Variants in TRIM37 observed in about 807,000 individuals in gnomAD.
TRIM37 encodes the protein tripartite motif containing 37.
In TRIM37, 80 loss-of-function variants were observed where a neutral mutation model predicts 129.8. The observed-to-expected ratio is 0.62, with a 90% CI of 0.51 to 0.74. The LOEUF (loss-of-function observed/expected upper bound fraction) is 0.74. TRIM37 is among the 30% of genes least tolerant of loss of function. TRIM37 has a pLI of 0.00. For synonymous variants in TRIM37, 389 were observed against 387.1 expected (o/e 1.00, Z -0.06); for missense variants, 1,054 against 1,176.5 (o/e 0.90, Z 1.52).
rs539196828 is a variant in TRIM37 at position 59,012,250 on chromosome 17, A to ACCACCACCAC, written c.2695+77_2695+78insGTGGTGGTGG. The ACCACCACCAC allele has an allele frequency of 3.7e-4, 312 of 833,760 alleles. No homozygotes were observed. In the African/African-American group the frequency reaches 4.3e-3, roughly 11 times the overall value. The allele number at this position is 833,760 out of a possible 1,614,324, so 51.6% of individuals were successfully genotyped here. ...CAGCACCACCACCACCACCACCACC[A>ACCACCACCAC]CCACCACCCACCACCCACCACCAAA... is the stretch of plus-strand genomic sequence containing the variant. On this transcript the variant is annotated intron_variant, in intron 22 of 23. Transcript: ENST00000262294.
intron 8 of TRIM37, among the ~76,000 whole-genome samples, chr17:59,074,461 T>G (rs1474428046): frequency 6.6e-6 from 1 of 152,180 alleles, no homozygotes; most frequent in African/African-American, 2.4e-5. Context: ...AATAAGAGTA[T>G]TTAGTAAATA....
intron 17 of TRIM37, among the ~76,000 whole-genome samples, chr17:59,037,862 A>G (rs1370470246): frequency 6.6e-6 from 1 of 152,072 alleles, no homozygotes; most frequent in African/African-American, 2.4e-5. Flanking sequence ...CTGTCTTTTT[A>G]GACTCTTCTG....
chr17:59,018,908 GA>G (rs2036257130), intron 19 of TRIM37, among the ~76,000 whole-genome samples: 1 of 152,068 alleles, frequency 6.6e-6, no homozygotes, highest in Non-Finnish European at 1.5e-5. Context: ...ACAGAATTGA[GA>G]GTCTAGAAAC....
intron 2 of TRIM37, among the ~76,000 whole-genome samples, chr17:59,094,245 T>C (rs1335091730): frequency 6.6e-6 from 1 of 152,128 alleles, no homozygotes; most frequent in Non-Finnish European, 1.5e-5. Flanking sequence ...TGTTAATACT[T>C]TGAGAAAAGC....
chr17:58,998,573 T>C lies in TRIM37; in HGVS notation c.*804A>G. The C allele has an allele frequency of 1.0e-6, 1 of 985,314 alleles. No homozygotes were observed. The allele number at this position is 985,314 out of a possible 1,614,324, so 61.0% of individuals were successfully genotyped here. A position where few individuals can be genotyped will look rare whatever the true frequency, so the allele number is the denominator to read the frequency against. ...ATCTTTAAATGTGTTGACACTGAAA[T>C]CAATGTACAACTAATGAAAATAAAG... On this transcript the variant is annotated 3_prime_UTR_variant, in exon 24 of 24. Transcript: ENST00000262294.
At chr17:59,106,020 G>A (rs1055110616) in intron 1 of TRIM37, among the ~76,000 whole-genome samples, 1 of 152,212 alleles carries the variant, frequency 6.6e-6, no homozygotes, top group African/African-American at 2.4e-5. Flanking sequence ...AGGAAGGGCA[G>A]AAGCCTGCAA....
the TRIM37 span, among the ~76,000 whole-genome samples, chr17:58,969,055 A>G: frequency 6.6e-6 from 1 of 152,114 alleles, no homozygotes. Context: ...TATATTTTAA[A>G]CTTGATTTAA....
chr17:59,030,326 C>T (rs561046485), intron 18 of TRIM37, among the ~76,000 whole-genome samples: 17 of 152,216 alleles, frequency 1.1e-4, no homozygotes, highest in Non-Finnish European at 2.2e-4. Context: ...AGGCTGGTCT[C>T]GAACTCCTGA....
At chr17:59,085,931 A>G (rs1356697077) in intron 4 of TRIM37, among the ~76,000 whole-genome samples, 1 of 152,220 alleles carries the variant, frequency 6.6e-6, no homozygotes, top group Non-Finnish European at 1.5e-5. Flanking sequence ...TAAACCAGTT[A>G]CAAAAAGAGA....
chr17:59,076,949 C>T (rs1454538172), intron 7 of TRIM37, among the ~76,000 whole-genome samples: 1 of 151,908 alleles, frequency 6.6e-6, no homozygotes, highest in African/African-American at 2.4e-5. Context: ...CCACCATGCC[C>T]GGTTAATTTT....
intron 16 of TRIM37, among the ~76,000 whole-genome samples, chr17:59,042,449 A>ATATATATATATATATATATATATATATAT (rs1302050122): frequency 8.3e-5 from 3 of 36,058 alleles, no homozygotes; most frequent in Non-Finnish European, 1.5e-4. Flanking sequence ...AAAAAAAAAA[A>ATATATATATATATATATATATATATATAT]ATATATATAT....
chr17:59,088,502 TCATAC>T, intron 3 of TRIM37, 95 bp from the exon 4 acceptor site: 1 of 812,098 alleles, frequency 1.2e-6, no homozygotes, highest in East Asian at 2.6e-5. Context: ...ACAATAATAC[TCATAC>T]CATAACACTA....
At chr17:59,057,323 T>C (rs1302154893) in intron 12 of TRIM37, among the ~76,000 whole-genome samples, 3 of 152,232 alleles carry the variant, frequency 2.0e-5, no homozygotes, top group African/African-American at 7.2e-5. Flanking sequence ...CAAGTGATTC[T>C]CCTGCCTCGG....
At chr17:59,057,107 A>T in intron 12 of TRIM37, 53 bp from the exon 13 acceptor site, 1 of 1,523,224 alleles carries the variant, frequency 6.6e-7, no homozygotes, top group South Asian at 1.1e-5. Context: ...AAGAATAAAA[A>T]ACAAACTCAT....
chr17:59,002,439 T>G (rs767266245), intron 22 of TRIM37, among the ~76,000 whole-genome samples: 5 of 152,134 alleles, frequency 3.3e-5, no homozygotes, highest in Non-Finnish European at 7.4e-5. Context: ...CTTGCTATAA[T>G]ATGTTGCCCA....
At chr17:59,090,632 G>A (rs141227646) in intron 3 of TRIM37, among the ~76,000 whole-genome samples, 1,707 of 151,796 alleles carry the variant, frequency 0.011, 25 homozygotes, top group Non-Finnish European at 0.014. Flanking sequence ...ACAGACTCTC[G>A]CTCTGTGGCC....
intron 7 of TRIM37, among the ~76,000 whole-genome samples, chr17:59,076,083 T>C (rs1285462130): frequency 6.6e-6 from 1 of 152,248 alleles, no homozygotes; most frequent in African/African-American, 2.4e-5. Context: ...GAAATCATTT[T>C]TCACCAAATT....
intron 5 of TRIM37, 47 bp from the exon 6 acceptor site, chr17:59,081,266 G>A: frequency 6.3e-7 from 1 of 1,597,358 alleles, no homozygotes; most frequent in Non-Finnish European, 8.5e-7. Context: ...TATCTCATCT[G>A]CATTTACATT....
At chr17:59,096,788 T>C (rs1158979676) in intron 2 of TRIM37, among the ~76,000 whole-genome samples, 1 of 152,190 alleles carries the variant, frequency 6.6e-6, no homozygotes, top group East Asian at 1.9e-4. Context: ...CTGTGCATCC[T>C]CATTCATAAT....
Sources: allele counts gnomAD v4.1 joint callset (sites outside exome capture counted in the v4.1 genomes callset), GRCh38; gene constraint gnomAD v4.1.1; transcripts MANE v1.5; gene names NCBI Gene and HGNC (gene_info 2026-07-23, HGNC 2026-07-21).